DPP10: variants seen among roughly 807,000 people sequenced by gnomAD.
The protein encoded by DPP10 is inactive dipeptidyl peptidase 10.
In DPP10, 33 loss-of-function variants were observed where a neutral mutation model predicts 120.9. The ratio of observed to expected loss-of-function variants is 0.27; its 90% confidence interval spans 0.21 to 0.37. DPP10 has a LOEUF of 0.37. DPP10 is among the 10% of genes least tolerant of loss of function. The pLI is 1.00. For missense variants in DPP10, 816 were observed against 942.8 expected, an observed-to-expected ratio of 0.87 and a Z score of 1.76; for synonymous variants, 337 against 326.1, an observed-to-expected ratio of 1.03 and a Z score of -0.36.
At chr2:115,543,521 A>G (rs1403783246) in intron 5 of DPP10, among the ~76,000 whole-genome samples, 1 of 152,022 alleles carries the variant, frequency 6.6e-6, no homozygotes, top group Non-Finnish European at 1.5e-5. Flanking sequence ...TTTGCTAAAT[A>G]CTAGATATTT....
Position 115,693,770 on chromosome 2 carries a change from T to C in DPP10, c.576+3849T>C, listed in dbSNP as rs1337462242. On this transcript the variant is annotated intron_variant, in intron 7 of 25. Coordinates refer to ENST00000410059, the MANE Select transcript of DPP10 (RefSeq NM_020868.6). ...GCAGGTGATTACATTCTGGTTCTACTGCTTACTAGCTGTTGATCTTGAGAA... is the reference window on the plus strand; with the variant it reads ...GCAGGTGATTACATTCTGGTTCTACCGCTTACTAGCTGTTGATCTTGAGAA... Among the ~76,000 whole-genome samples, 3 of 152,332 alleles carry C rather than the reference T, an allele frequency of 2.0e-5. No homozygotes were observed. The East Asian group carries it at 5.8e-4, about 29-fold the overall frequency.
chr2:115,315,831 T>A (rs1181424388), intron 2 of DPP10, among the ~76,000 whole-genome samples: 1 of 152,176 alleles, frequency 6.6e-6, no homozygotes, highest in Non-Finnish European at 1.5e-5. Context: ...TTCTAACAGT[T>A]TCCCCCTGGA....
chr2:115,837,389 C>G (rs1654454915), intron 24 of DPP10, among the ~76,000 whole-genome samples: 1 of 151,120 alleles, frequency 6.6e-6, no homozygotes, highest in Non-Finnish European at 1.5e-5. Flanking sequence ...TGATATTTTA[C>G]AACAGACAGC....
chr2:115,644,342 G>T (rs2087046625), intron 5 of DPP10, among the ~76,000 whole-genome samples: 1 of 152,084 alleles, frequency 6.6e-6, no homozygotes, highest in African/African-American at 2.4e-5. Flanking sequence ...GCCCCGGTGT[G>T]TGATGTTCCC....
intron 2 of DPP10, among the ~76,000 whole-genome samples, chr2:115,314,626 T>A (rs1281290061): frequency 6.6e-6 from 1 of 152,186 alleles, no homozygotes; most frequent in African/African-American, 2.4e-5. Flanking sequence ...TGTCTTTATT[T>A]TCACTTCTAG....
At chr2:114,775,282 G>A (rs2106168381) in intron 1 of DPP10, among the ~76,000 whole-genome samples, 1 of 152,232 alleles carries the variant, frequency 6.6e-6, no homozygotes, top group Admixed American at 6.5e-5. Context: ...CAATATCCCA[G>A]GAGAATCTAC....
intron 3 of DPP10, among the ~76,000 whole-genome samples, chr2:115,375,765 C>G (rs1322595921): frequency 6.6e-6 from 1 of 152,226 alleles, no homozygotes; most frequent in Non-Finnish European, 1.5e-5. Flanking sequence ...GAGAAGCACA[C>G]GTCTTACCAT....
chr2:115,687,427 G>C (rs2091052184), intron 5 of DPP10, among the ~76,000 whole-genome samples: 1 of 151,858 alleles, frequency 6.6e-6, no homozygotes, highest in African/African-American at 2.4e-5. Context: ...TCAGAGTAAA[G>C]GGCTAGGTTC....
chr2:115,704,722 G>A (rs1017130473), intron 7 of DPP10, among the ~76,000 whole-genome samples: 1 of 151,864 alleles, frequency 6.6e-6, no homozygotes, highest in African/African-American at 2.4e-5. Context: ...CTGGAAGCAG[G>A]GAGCTAGGTG....
chr2:115,771,081 T>G (rs879491249), intron 13 of DPP10, among the ~76,000 whole-genome samples: 15 of 151,972 alleles, frequency 9.9e-5, no homozygotes, highest in Admixed American at 9.8e-4. Context: ...TTTATTTATT[T>G]ATTTATTTTT....
At chr2:115,047,893 C>T (rs775685673) in intron 1 of DPP10, among the ~76,000 whole-genome samples, 8 of 152,028 alleles carry the variant, frequency 5.3e-5, no homozygotes, top group Non-Finnish European at 1.0e-4. Flanking sequence ...TCTCTCTATC[C>T]CTCAGTCCTC....
Position 114,636,635 on chromosome 2 carries a change from G to T in DPP10, c.60+193797G>T, listed in dbSNP as rs144203530. On this transcript the variant is annotated intron_variant, in intron 1 of 25. Transcript: ENST00000410059. The stretch of plus-strand genomic sequence containing the variant: ...CTGTAGTAAGATCCATGTTTGCTCA[G>T]ATGTCCTTGAATCAGGACAGAGAAA... 2.6e-5 allele frequency among the ~76,000 whole-genome samples: 4 copies of T among 152,056 alleles called. No homozygotes were observed. In the East Asian group the frequency reaches 7.7e-4, roughly 29 times the overall value.
intron 3 of DPP10, among the ~76,000 whole-genome samples, chr2:115,476,899 T>G (rs1297770235): frequency 2.0e-5 from 3 of 151,654 alleles, no homozygotes; most frequent in African/African-American, 7.3e-5. Flanking sequence ...ATTAACAGAA[T>G]GAAAGATAAA....
At chr2:115,240,212 CCCA>C (rs1371842824) in intron 1 of DPP10, among the ~76,000 whole-genome samples, 5 of 152,184 alleles carry the variant, frequency 3.3e-5, no homozygotes, top group Admixed American at 1.3e-4. Context: ...AATTTGCACT[CCCA>C]CCAACAGTGT....
intron 10 of DPP10, among the ~76,000 whole-genome samples, chr2:115,752,151 C>T (rs372032017): frequency 1.8e-4 from 28 of 152,224 alleles, no homozygotes; most frequent in African/African-American, 6.3e-4. Context: ...TTCCGTGACA[C>T]GTGGATGGCT....
intron 1 of DPP10, among the ~76,000 whole-genome samples, chr2:114,678,994 T>C (rs1475638740): frequency 3.9e-5 from 6 of 152,054 alleles, no homozygotes; most frequent in Non-Finnish European, 7.4e-5. Flanking sequence ...AATCCATTTG[T>C]ATCCAAACAA....
At chr2:114,539,742 TATTA>T (rs939819163) in intron 1 of DPP10, among the ~76,000 whole-genome samples, 11 of 152,232 alleles carry the variant, frequency 7.2e-5, no homozygotes, top group Non-Finnish European at 1.3e-4. Flanking sequence ...TATTTGTTTA[TATTA>T]ATTAACAAAT....
intron 5 of DPP10, among the ~76,000 whole-genome samples, chr2:115,656,495 TA>T (rs1186965033): frequency 7.9e-5 from 12 of 151,608 alleles, no homozygotes; most frequent in Non-Finnish European, 7.4e-5. Context: ...TAACTTTATA[TA>T]AAAAAGGAGA....
intron 1 of DPP10, among the ~76,000 whole-genome samples, chr2:114,871,632 A>C (rs900020926): frequency 6.6e-6 from 1 of 152,124 alleles, no homozygotes. Flanking sequence ...TTATTTTTTT[A>C]AAATAATTTC....
Sources: allele counts gnomAD v4.1 joint callset (sites outside exome capture counted in the v4.1 genomes callset), GRCh38; gene constraint gnomAD v4.1.1; transcripts MANE v1.5; gene names NCBI Gene and HGNC (gene_info 2026-07-23, HGNC 2026-07-21).